The following ATF6B variants were observed in gnomAD, a reference collection of about 807,000 sequenced individuals.
ATF6B encodes activating transcription factor 6 beta, also known as cyclic AMP-dependent transcription factor ATF-6 beta.
A neutral mutation model predicts 83.5 loss-of-function variants in ATF6B; 50 were observed. The ratio of observed to expected loss-of-function variants is 0.60; its 90% CI spans 0.48 to 0.76. The LOEUF is 0.76. Among genes scored for constraint, ATF6B ranks in the 30% least tolerant of loss-of-function variants. The pLI is 0.00. For missense variants in ATF6B, 790 were observed against 893.8 expected, an observed-to-expected ratio of 0.88 and a Z score of 1.48; for synonymous variants, 344 against 362.8, an observed-to-expected ratio of 0.95 and a Z score of 0.59.
In ATF6B at chr6:32,117,755, A is replaced by C. The variant is rs1781588490; in HGVS notation, c.1425-61T>G. ...CTGCCCAGCACTCCCACAACAAAGA[A>C]GGCGATGACGGCAAGAGAAAGCTTT... On this transcript the variant is annotated intron_variant, in intron 12 of 17. Coordinates refer to ENST00000375203, the MANE Select transcript of ATF6B (RefSeq NM_004381.5). This position sits in a 1 kb window ranked among gnomAD's most constrained non-coding sequence, Gnocchi z 5.0. 1.3e-6 allele frequency: 2 copies of C among 1,590,568 alleles called. No homozygotes were observed. The highest frequency in any genetic ancestry group is 1.7e-6 in the Non-Finnish European group (2 of 1,167,138).
intron 2 of ATF6B, 26 bp from the exon 3 acceptor site, chr6:32,127,546 C>T (rs747982849): frequency 1.9e-6 from 3 of 1,610,992 alleles, no homozygotes; most frequent in South Asian, 1.1e-5. Flanking sequence ...TACAAGAGGG[C>T]AGGAGTGTGA....
At chr6:32,122,177 C>T (rs1781791123) in intron 5 of ATF6B, among the ~76,000 whole-genome samples, 1 of 152,180 alleles carries the variant, frequency 6.6e-6, no homozygotes, top group Non-Finnish European at 1.5e-5. Flanking sequence ...ATTCTCATGC[C>T]TCACCAGTCA....
At position 32,119,964 on chromosome 6, in the gene ATF6B, C is replaced by A. The variant is rs1368982064; in HGVS notation, c.833-7G>T. Reference sequence around the variant, plus strand: ...ATGAGGACAACTGGGGACACTGGGGCAAGTGAGCAGAGGTCAGAGGGCTGT... The same window carrying A: ...ATGAGGACAACTGGGGACACTGGGGAAAGTGAGCAGAGGTCAGAGGGCTGT... On this transcript the variant is annotated splice_polypyrimidine_tract_variant and splice_region_variant and intron_variant, in intron 8 of 17. Transcript: ENST00000375203. This position sits in a 1 kb window ranked among gnomAD's most constrained non-coding sequence, Gnocchi z 4.9. 6.2e-7 allele frequency: 1 copy of A among 1,613,534 alleles called. No individual in the cohort carries two copies. Among genetic ancestry groups the A allele is most frequent in the Admixed American group, 1.7e-5 (1 of 59,956 alleles).
chr6:32,120,927 C>T, intron 7 of ATF6B, 25 bp from the exon 8 acceptor site: 1 of 1,523,806 alleles, frequency 6.6e-7, no homozygotes, highest in Non-Finnish European at 8.8e-7. Context: ...GAGAAAAGAA[C>T]AAGAAATGTC....
At chr6:32,121,406 AG>A in intron 5 of ATF6B, 58 bp from the exon 6 acceptor site, 1 of 1,536,710 alleles carries the variant, frequency 6.5e-7, no homozygotes, top group Middle Eastern at 1.8e-4. Context: ...AAGGGTTAAG[AG>A]GGTTAAGATG....
chr6:32,119,996 G>C lies in ATF6B; in HGVS notation c.833-39C>G. 1.3e-6 allele frequency: 2 copies of C among 1,595,002 alleles called. No homozygotes were observed. The highest frequency in any genetic ancestry group is 1.7e-6 in the Non-Finnish European group (2 of 1,169,484). ...GCAGAGGTCAGAGGGCTGTGCGCTGGGTGGGGTCCTTGTGTCCACACCCAC... is the reference window on the plus strand; with the variant it reads ...GCAGAGGTCAGAGGGCTGTGCGCTGCGTGGGGTCCTTGTGTCCACACCCAC... On this transcript the variant is annotated intron_variant, in intron 8 of 17. Transcript: ENST00000375203. The surrounding 1 kb of genome is among the most constrained non-coding windows in gnomAD (Gnocchi z 4.9).
Position 32,119,693 on chromosome 6 carries a change from C to A in ATF6B, c.966+131G>T, listed in dbSNP as rs1781675053. ...AGTCCATTCTGACCCTCAGAATGAT[C>A]TAATGGGTCCGTTTCCTCACTTTTT... On this transcript the variant is annotated intron_variant, in intron 9 of 17. Transcript: ENST00000375203. This position sits in a 1 kb window ranked among gnomAD's most constrained non-coding sequence, Gnocchi z 4.9. 3 of 1,335,658 alleles carry A rather than the reference C, an allele frequency of 2.2e-6. No homozygotes were observed. The highest frequency in any genetic ancestry group is 3.1e-6 in the Non-Finnish European group (3 of 973,442). The allele number at this position is 1,335,658 out of a possible 1,614,324, so 82.7% of individuals were successfully genotyped here.
At chr6:32,126,836 G>A (rs1040687208) in intron 4 of ATF6B, among the ~76,000 whole-genome samples, 3 of 151,982 alleles carry the variant, frequency 2.0e-5, no homozygotes, top group Non-Finnish European at 4.4e-5. Flanking sequence ...CTGTAGTTTG[G>A]GTGACAGAGG....
Position 32,117,896 on chromosome 6 carries a change from C to T in ATF6B, c.1387G>A (p.Glu463Lys), listed in dbSNP as rs1274487054. The change falls in exon 12 of 18, where the codon GAG becomes AAG. Residue 463 changes from glutamate to lysine, a missense_variant. Physicochemically the swap from Glu to Lys is moderately conservative, Grantham distance 56. Coordinates refer to ENST00000375203, the MANE Select transcript of ATF6B (RefSeq NM_004381.5). The surrounding 1 kb of genome is among the most constrained non-coding windows in gnomAD (Gnocchi z 5.0). ...TGGTCTGTGGGGCTGGGCTGGGGCTCCTTAGGGCCCTGGGAGGACCCCTGG... is the reference window on the plus strand; with the variant it reads ...TGGTCTGTGGGGCTGGGCTGGGGCTTCTTAGGGCCCTGGGAGGACCCCTGG... ...PLQGSSQGPK[E>K]PQPSPTDQPS... 3.8e-6 allele frequency: 6 copies of T among 1,584,630 alleles called. No individual in the cohort carries two copies. The highest frequency in any genetic ancestry group is 5.1e-6 in the Non-Finnish European group (6 of 1,167,912).
intron 5 of ATF6B, among the ~76,000 whole-genome samples, chr6:32,123,579 G>A (rs1781850456): frequency 6.6e-6 from 1 of 152,092 alleles, no homozygotes; most frequent in Non-Finnish European, 1.5e-5. Context: ...TAGTAGAGAT[G>A]GCGCTTCACT....
chr6:32,118,301 T>C lies in ATF6B; in HGVS notation c.1245-263A>G, dbSNP rs940241213. On this transcript the variant is annotated intron_variant, in intron 11 of 17. Transcript: ENST00000375203. The surrounding 1 kb of genome is among the most constrained non-coding windows in gnomAD (Gnocchi z 5.2). ...CATCTACTCTCCACTGGAAAAATAATGGAGCAGGAGGCCGGGCGAGGTGGC... is the reference window on the plus strand; with the variant it reads ...CATCTACTCTCCACTGGAAAAATAACGGAGCAGGAGGCCGGGCGAGGTGGC... 7.9e-5 allele frequency among the ~76,000 whole-genome samples: 12 copies of C among 152,054 alleles called. No individual in the cohort carries two copies. Among genetic ancestry groups the C allele is most frequent in the Non-Finnish European group, 1.5e-4 (10 of 68,008 alleles).
Position 32,117,142 on chromosome 6 carries a change from T to C in ATF6B, c.1615-35A>G. 4 of 1,606,262 alleles carry C rather than the reference T, an allele frequency of 2.5e-6. No homozygotes were observed. Among genetic ancestry groups the C allele is most frequent in the Non-Finnish European group, 3.4e-6 (4 of 1,173,608 alleles). On this transcript the variant is annotated intron_variant, in intron 14 of 17. Coordinates refer to ENST00000375203, the MANE Select transcript of ATF6B (RefSeq NM_004381.5). The surrounding 1 kb of genome is among the most constrained non-coding windows in gnomAD (Gnocchi z 5.0). Reference sequence around the variant, plus strand: ...GAAGTATCTAAGGACTTGGAGAGGGTGAAGGGAAAAGGGAAAGAGACAAAC... The same window carrying C: ...GAAGTATCTAAGGACTTGGAGAGGGCGAAGGGAAAAGGGAAAGAGACAAAC...
intron 4 of ATF6B, among the ~76,000 whole-genome samples, chr6:32,126,652 AG>A (rs1781991126): frequency 6.6e-6 from 1 of 152,134 alleles, no homozygotes; most frequent in Non-Finnish European, 1.5e-5. Context: ...TGAGCCCAGG[AG>A]TTTAAGTCCA....
intron 5 of ATF6B, among the ~76,000 whole-genome samples, chr6:32,123,706 C>T (rs1047581539): frequency 6.6e-6 from 1 of 152,010 alleles, no homozygotes; most frequent in African/African-American, 2.4e-5. Context: ...GTATTTCAAT[C>T]CTTATTTTGT....
In ATF6B at chr6:32,116,522, G is replaced by T. The variant is rs368983756; in HGVS notation, c.1840C>A (p.Arg614=). The change falls in exon 17 of 18, where the codon CGG becomes AGG. Residue 614 remains arginine, a synonymous_variant. Coordinates refer to ENST00000375203, the MANE Select transcript of ATF6B (RefSeq NM_004381.5). This position sits in a 1 kb window ranked among gnomAD's most constrained non-coding sequence, Gnocchi z 5.1. ...LPAISHNKTS[R]PKMSLVMPAM... ...GGCATCACCAGGGACATCTTGGGCC[G>T]GGAGGTCTTGTTGTGGCTGATGGCT... 54 of 1,604,926 alleles carry T rather than the reference G, an allele frequency of 3.4e-5. No individual in the cohort carries two copies. The highest frequency in any genetic ancestry group is 4.1e-5 in the Non-Finnish European group (48 of 1,175,186).
At position 32,119,003 on chromosome 6, in the gene ATF6B, G is replaced by A. The variant is rs1332620556; in HGVS notation, c.1105C>T (p.Arg369Ter). ...AVLADNQQLR[R>*]ENAALRRRLE... ...CGCCGCCGGAGGGCAGCATTCTCTC[G>A]GCGGAGCTGCTGGTTGTCAGCCAGT... Residue 369 changes from arginine to a stop codon, truncating the protein, a stop_gained, in exon 10 of 18, where the codon CGA becomes TGA. Transcript: ENST00000375203. LOFTEE classifies it high-confidence loss of function. The surrounding 1 kb of genome is among the most constrained non-coding windows in gnomAD (Gnocchi z 4.9). The A allele has an allele frequency of 9.3e-6, 15 of 1,614,020 alleles. No homozygotes were observed. The highest frequency in any genetic ancestry group is 1.3e-5 in the Non-Finnish European group (15 of 1,180,008).
intron 5 of ATF6B, among the ~76,000 whole-genome samples, chr6:32,121,896 C>T (rs1297662430): frequency 1.3e-5 from 2 of 152,148 alleles, no homozygotes; most frequent in Non-Finnish European, 2.9e-5. Flanking sequence ...TTTTTCTCAT[C>T]CCTGCTCCAT....
rs1033928569 is a variant in ATF6B, at chr6:32,125,759, TCAA to T, written c.478+355_478+357del. On this transcript the variant is annotated intron_variant, in intron 5 of 17. Coordinates refer to ENST00000375203, the MANE Select transcript of ATF6B (RefSeq NM_004381.5). This position sits in a 1 kb window ranked among gnomAD's most constrained non-coding sequence, Gnocchi z 4.1. ...CCGAGCGACAGTGTGAGACTCTGTCTCAACAACAACAAAAATGTTTATAATAAA... is the reference window on the plus strand; with the variant it reads ...CCGAGCGACAGTGTGAGACTCTGTCTCAACAACAAAAATGTTTATAATAAA... Among the ~76,000 whole-genome samples the T allele has an allele frequency of 1.3e-4, 20 of 152,258 alleles. No individual in the cohort carries two copies. The highest frequency in any genetic ancestry group is 4.3e-4 in the African/African-American group (18 of 41,546).
chr6:32,127,794 G>A, intron 1 of ATF6B, 44 bp from the exon 2 acceptor site: 1 of 1,594,110 alleles, frequency 6.3e-7, no homozygotes, highest in South Asian at 1.1e-5. Context: ...GGTGGCCCCA[G>A]CCTACAGATC....
Sources: allele counts gnomAD v4.1 joint callset (sites outside exome capture counted in the v4.1 genomes callset), GRCh38; gene constraint gnomAD v4.1.1; non-coding constraint Gnocchi (gnomAD v3.1); transcripts MANE v1.5; gene names NCBI Gene and HGNC (gene_info 2026-07-23, HGNC 2026-07-21).